KCNH7: variants seen among roughly 807,000 people sequenced by gnomAD.
KCNH7 encodes the protein voltage-gated inwardly rectifying potassium channel KCNH7.
In KCNH7, 49 loss-of-function variants were observed where a neutral mutation model predicts 120.8. The ratio of observed to expected loss-of-function variants is 0.41; its 90% confidence interval spans 0.32 to 0.51. KCNH7 has a LOEUF of 0.51. Among genes scored for constraint, KCNH7 ranks in the 20% least tolerant of loss-of-function variants. The pLI, the probability that KCNH7 is intolerant of heterozygous loss-of-function variation, is 0.38. For synonymous variants in KCNH7, 547 were observed against 516.1 expected (o/e 1.06, Z -0.81); for missense variants, 1,097 against 1,446.6 (o/e 0.76, Z 3.92).
At chr2:162,384,242 T>C (rs1686509074) in intron 13 of KCNH7, among the ~76,000 whole-genome samples, 1 of 151,982 alleles carries the variant, frequency 6.6e-6, no homozygotes, top group Non-Finnish European at 1.5e-5. Flanking sequence ...TCATATTCTC[T>C]GTAAAATTAA....
At chr2:162,673,556 T>C (rs559129897) in intron 2 of KCNH7, among the ~76,000 whole-genome samples, 10 of 152,230 alleles carry the variant, frequency 6.6e-5, no homozygotes, top group South Asian at 2.1e-4. Flanking sequence ...CCATGCCCAA[T>C]TGCATGATTT....
At chr2:162,476,892 T>C (rs771717650) in intron 6 of KCNH7, among the ~76,000 whole-genome samples, 11 of 152,194 alleles carry the variant, frequency 7.2e-5, no homozygotes, top group Non-Finnish European at 1.5e-4. Context: ...TTAAGTCTCA[T>C]ATTTGCAATA....
At chr2:162,562,212 TA>T (rs1307171271) in intron 2 of KCNH7, among the ~76,000 whole-genome samples, 7 of 152,260 alleles carry the variant, frequency 4.6e-5, no homozygotes, top group Non-Finnish European at 8.8e-5. Context: ...AGTATAATTT[TA>T]AAAAAAGTAA....
intron 6 of KCNH7, among the ~76,000 whole-genome samples, chr2:162,483,006 CAAG>C (rs1689979633): frequency 6.8e-6 from 1 of 146,418 alleles, no homozygotes; most frequent in Non-Finnish European, 1.6e-5. Context: ...GATTTATTCT[CAAG>C]AAGGAGAATG....
intron 6 of KCNH7, among the ~76,000 whole-genome samples, chr2:162,456,287 T>C (rs915571398): frequency 1.3e-5 from 2 of 152,128 alleles, no homozygotes; most frequent in African/African-American, 4.8e-5. Flanking sequence ...TTGATTGGAC[T>C]GTGGTTATAT....
intron 6 of KCNH7, among the ~76,000 whole-genome samples, chr2:162,455,857 A>C (rs1688944007): frequency 6.6e-6 from 1 of 151,828 alleles, no homozygotes; most frequent in Admixed American, 6.6e-5. Context: ...CTAGTGGTCT[A>C]TCTATTTTGT....
intron 2 of KCNH7, among the ~76,000 whole-genome samples, chr2:162,549,114 C>T (rs1692579511): frequency 6.6e-6 from 1 of 152,128 alleles, no homozygotes; most frequent in Admixed American, 6.5e-5. Context: ...TAGTTCTGAA[C>T]TTTTACCGAG....
At chr2:162,561,852 A>G (rs544771524) in intron 2 of KCNH7, among the ~76,000 whole-genome samples, 29 of 152,228 alleles carry the variant, frequency 1.9e-4, no homozygotes, top group Non-Finnish European at 3.7e-4. Flanking sequence ...AAAATGTGGC[A>G]TATATACACC....
chr2:162,658,597 C>T (rs1458262863), intron 2 of KCNH7, among the ~76,000 whole-genome samples: 1 of 152,118 alleles, frequency 6.6e-6, no homozygotes, highest in Non-Finnish European at 1.5e-5. Flanking sequence ...ATCTTCCTGT[C>T]TATGAACATG....
At chr2:162,447,263 T>C (rs142823456) in intron 6 of KCNH7, among the ~76,000 whole-genome samples, 2,525 of 152,134 alleles carry the variant, frequency 0.017, 196 homozygotes, top group Admixed American at 0.15. Context: ...AGAGTTTTAG[T>C]TTACCTGAAA....
At chr2:162,575,929 A>C (rs1349104477) in intron 2 of KCNH7, among the ~76,000 whole-genome samples, 1 of 152,110 alleles carries the variant, frequency 6.6e-6, no homozygotes, top group Non-Finnish European at 1.5e-5. Context: ...TCAGTCCTGG[A>C]AACATTATAA....
At chr2:162,790,224 T>A (rs1683878606) in intron 2 of KCNH7, among the ~76,000 whole-genome samples, 1 of 151,946 alleles carries the variant, frequency 6.6e-6, no homozygotes, top group East Asian at 1.9e-4. Context: ...ACAAATTGGA[T>A]AACCGAGAAG....
chr2:162,581,652 C>G (rs1018957152), intron 2 of KCNH7, among the ~76,000 whole-genome samples: 1 of 151,700 alleles, frequency 6.6e-6, no homozygotes, highest in African/African-American at 2.4e-5. Flanking sequence ...AAGATGCAAA[C>G]GTTTTTATAT....
At chr2:162,577,862 G>A (rs1267774567) in intron 2 of KCNH7, among the ~76,000 whole-genome samples, 1 of 151,974 alleles carries the variant, frequency 6.6e-6, no homozygotes, top group Non-Finnish European at 1.5e-5. Context: ...CAAATTAAAT[G>A]AATGAAAACT....
intron 7 of KCNH7, among the ~76,000 whole-genome samples, chr2:162,440,954 A>G (rs1219978042): frequency 6.6e-6 from 1 of 152,108 alleles, no homozygotes; most frequent in Non-Finnish European, 1.5e-5. Flanking sequence ...TATTTTACCA[A>G]GGGTTATACT....
chr2:162,400,039 G>T, intron 10 of KCNH7, 150 bp downstream of exon 10: 1 of 844,578 alleles, frequency 1.2e-6, no homozygotes, highest in Non-Finnish European at 1.8e-6. Context: ...AATTTGGTTT[G>T]AACTGAATTT....
intron 2 of KCNH7, among the ~76,000 whole-genome samples, chr2:162,634,677 G>C (rs1298602527): frequency 9.9e-5 from 15 of 151,996 alleles, no homozygotes; most frequent in Non-Finnish European, 4.4e-5. Context: ...CAGCAGGTCT[G>C]TGTGCTTAGT....
intron 2 of KCNH7, among the ~76,000 whole-genome samples, chr2:162,550,313 T>A (rs1018817585): frequency 9.8e-5 from 15 of 152,292 alleles, no homozygotes; most frequent in Admixed American, 7.8e-4. Context: ...TCACTGTCTA[T>A]CCTTCTCTTC....
chr2:162,729,253 C>A (rs1291102332), intron 2 of KCNH7, among the ~76,000 whole-genome samples: 1 of 151,106 alleles, frequency 6.6e-6, no homozygotes, highest in Non-Finnish European at 1.5e-5. Context: ...GCAAGCTCCA[C>A]CTCCCGGGTT....
Sources: gnomAD v4.1 joint callset for allele counts (sites outside exome capture counted in the v4.1 genomes callset) on GRCh38, gnomAD v4.1.1 for gene constraint, MANE v1.5 for transcripts, NCBI Gene and HGNC (gene_info 2026-07-23, HGNC 2026-07-21) for gene names.